Variants in KIAA1755 observed in about 807,000 individuals in gnomAD.
The protein encoded by KIAA1755 is uncharacterized protein KIAA1755.
A neutral mutation model predicts 91.7 loss-of-function variants in KIAA1755; 68 were observed. The observed-to-expected ratio is 0.74, with a 90% CI of 0.61 to 0.91. The LOEUF (loss-of-function observed/expected upper bound fraction) is 0.91. KIAA1755 is among the 40% of genes least tolerant of loss of function. The pLI, the probability that KIAA1755 is intolerant of heterozygous loss-of-function variation, is 0.00. For synonymous variants in KIAA1755, 610 were observed against 604.6 expected, an observed-to-expected ratio of 1.01 and a Z score of -0.13; for missense variants, 1,535 against 1,494.4, an observed-to-expected ratio of 1.03 and a Z score of -0.45.
chr20:38,248,513 C>T (rs2076194445), intron 1 of KIAA1755, among the ~76,000 whole-genome samples: 1 of 152,108 alleles, frequency 6.6e-6, no homozygotes, highest in African/African-American at 2.4e-5. Context: ...TCATTTGCTA[C>T]GGTGGCAACA....
In KIAA1755 at chr20:38,240,649, ATTGTGCTGGAGTGAG is replaced by A; in HGVS notation, c.1467_1481del (p.Ser490_Asn494del). The A allele has an allele frequency of 6.6e-7, 1 of 1,524,332 alleles. No individual in the cohort carries two copies. Among genetic ancestry groups the A allele is most frequent in the Non-Finnish European group, 8.8e-7 (1 of 1,138,154 alleles). The allele number at this position is 1,524,332 out of a possible 1,614,324, so 94.4% of individuals were successfully genotyped here. A position where few individuals can be genotyped will look rare whatever the true frequency, so the allele number is the denominator to read the frequency against. ...GGGAACACAGGACTTTCCAGGGCCCATTGTGCTGGAGTGAGGCTTTCTCCGGGGTCACAGAGGGTT... is the reference window on the plus strand; with the variant it reads ...GGGAACACAGGACTTTCCAGGGCCCAGCTTTCTCCGGGGTCACAGAGGGTT... On this transcript the variant is annotated inframe_deletion, in exon 3 of 14. Coordinates refer to ENST00000279024, the MANE Select transcript of KIAA1755 (RefSeq NM_001029864.2).
chr20:38,221,737 C>T (rs560834622), intron 10 of KIAA1755, among the ~76,000 whole-genome samples: 1 of 152,330 alleles, frequency 6.6e-6, no homozygotes, highest in South Asian at 2.1e-4. Flanking sequence ...TTCTTAAAAG[C>T]TCATGCATAC....
chr20:38,227,217 C>A lies in KIAA1755; in HGVS notation c.1989G>T (p.Arg663=). ...ATQAQVPASI[R]AILFLGEKEA... ...CCTTCTCCCCCAGGAAGAGAATAGC[C>A]CGGATAGAGGCTGGGACCTGAGCCT... is the stretch of plus-strand genomic sequence containing the variant. The change falls in exon 7 of 14, where the codon CGG becomes CGT. Residue 663 remains arginine, a synonymous_variant. Transcript: ENST00000279024. The A allele has an allele frequency of 6.2e-7, 1 of 1,613,886 alleles. No homozygotes were observed. The highest frequency in any genetic ancestry group is 1.1e-5 in the South Asian group (1 of 91,066).
chr20:38,248,761 C>T (rs567970325), intron 1 of KIAA1755, among the ~76,000 whole-genome samples: 66 of 151,254 alleles, frequency 4.4e-4, no homozygotes, highest in African/African-American at 1.5e-3. Flanking sequence ...TGCAGTGTTC[C>T]GATCTCTGCT....
chr20:38,215,641 A>G (rs1167896996), intron 13 of KIAA1755, among the ~76,000 whole-genome samples: 1 of 152,216 alleles, frequency 6.6e-6, no homozygotes, highest in Non-Finnish European at 1.5e-5. Flanking sequence ...CCAGCCGGTC[A>G]ACGGGAAGAG....
chr20:38,241,716 G>C lies in KIAA1755; in HGVS notation c.415C>G (p.Pro139Ala), dbSNP rs758849599. ...CTVDKKPVPE[P>A]AYPILFTQEW... ...TGGGTGAAAAGTATAGGGTAGGCTG[G>C]CTCTGGAACAGGCTTCTTGTCCACT... The change falls in exon 3 of 14, where the codon CCA becomes GCA. Residue 139 changes from proline to alanine, a missense_variant. By Grantham distance (27) the Pro-to-Ala change is conservative (BLOSUM62 -1). Transcript: ENST00000279024. The C allele has an allele frequency of 6.2e-7, 1 of 1,614,242 alleles. No individual in the cohort carries two copies. Among genetic ancestry groups the C allele is most frequent in the Non-Finnish European group, 8.5e-7 (1 of 1,180,044 alleles).
intron 2 of KIAA1755, among the ~76,000 whole-genome samples, chr20:38,243,481 G>A (rs926973832): frequency 6.6e-6 from 1 of 152,170 alleles, no homozygotes; most frequent in Non-Finnish European, 1.5e-5. Context: ...TTTGCAAACA[G>A]CAAAGCACCA....
At chr20:38,216,554 C>T (rs12480600) in intron 13 of KIAA1755, among the ~76,000 whole-genome samples, 5,926 of 152,280 alleles carry the variant, frequency 0.039, 188 homozygotes, top group Non-Finnish European at 0.057. Flanking sequence ...CCCAGCTGGA[C>T]CACACTCTCC....
rs114568846 is a variant in KIAA1755 at position 38,227,664 on chromosome 20, C to G, written c.1966-424G>C. On this transcript the variant is annotated intron_variant, in intron 6 of 13. Transcript: ENST00000279024. ...GTGTGTTGCATTCACCCCCAGGCCA[C>G]AGGGTTGGGTGTGGAGGGACTCCTG... Among the ~76,000 whole-genome samples the G allele has an allele frequency of 6.6e-3, 998 of 152,328 alleles. 12 individuals are homozygous for G. The highest frequency in any genetic ancestry group is 0.023 in the African/African-American group (956 of 41,556).
intron 1 of KIAA1755, among the ~76,000 whole-genome samples, chr20:38,256,189 C>T (rs572982277): frequency 4.7e-4 from 72 of 152,286 alleles, no homozygotes; most frequent in African/African-American, 1.7e-3. Flanking sequence ...ACGCCAGGCT[C>T]CTCTTAGTCA....
chr20:38,258,617 A>G (rs59397942), intron 1 of KIAA1755, among the ~76,000 whole-genome samples: 10,920 of 152,158 alleles, frequency 0.072, 774 homozygotes, highest in African/African-American at 0.19. Context: ...ATTTGGGTGA[A>G]GATTTACCGG....
In KIAA1755 at chr20:38,228,152, T is replaced by A; in HGVS notation, c.1960A>T (p.Thr654Ser). ...GCTCTCCACCTCCCACTCACCTGGG[T>A]GGCCTGCAGGGCGCTGACCAGACCG... Reference protein sequence around the residue: ...QPGLVSALQATQAQVPASIRA... With the variant: ...QPGLVSALQASQAQVPASIRA... The change falls in exon 6 of 14, where the codon ACC becomes TCC. Residue 654 changes from threonine to serine, a missense_variant. Thr to Ser is a moderately conservative substitution (Grantham distance 58). Coordinates refer to ENST00000279024, the MANE Select transcript of KIAA1755 (RefSeq NM_001029864.2). The A allele has an allele frequency of 6.3e-7, 1 of 1,598,524 alleles. No homozygotes were observed. Among genetic ancestry groups the A allele is most frequent in the Non-Finnish European group, 8.5e-7 (1 of 1,173,086 alleles).
intron 1 of KIAA1755, among the ~76,000 whole-genome samples, chr20:38,255,505 C>T (rs908127920): frequency 1.5e-4 from 23 of 152,198 alleles, no homozygotes; most frequent in Non-Finnish European, 8.8e-5. Context: ...AAGCCAAACA[C>T]ATCTGTGAGC....
At chr20:38,214,226 T>C (rs899670973) in intron 13 of KIAA1755, among the ~76,000 whole-genome samples, 2 of 152,160 alleles carry the variant, frequency 1.3e-5, no homozygotes, top group African/African-American at 4.8e-5. Flanking sequence ...GCTGGGATTA[T>C]AGGCATGACC....
chr20:38,260,463 G>A (rs765028593), intron 1 of KIAA1755, 35 bp downstream of exon 1: 2 of 1,514,722 alleles, frequency 1.3e-6, no homozygotes, highest in South Asian at 1.3e-5. Flanking sequence ...ACTGAAAGGG[G>A]GCAGAGCGAG....
At position 38,231,320 on chromosome 20, in the gene KIAA1755, G is replaced by A. The variant is rs199854032; in HGVS notation, c.1753C>T (p.Arg585Trp). The A allele has an allele frequency of 2.1e-5, 34 of 1,607,546 alleles. No individual in the cohort carries two copies. In the Middle Eastern group the frequency reaches 6.4e-4, roughly 30 times the overall value. ...RSRIACLPGG[R>W]DRAGRPLLLV... ...AGCAGGGGCCGCCCGGCCCTGTCCC[G>A]GCCACCTGGAGGACAGAGGGCACAC... The change falls in exon 5 of 14, where the codon CGG becomes TGG. Residue 585 changes from arginine to tryptophan, a missense_variant. Coordinates refer to ENST00000279024, the MANE Select transcript of KIAA1755 (RefSeq NM_001029864.2).
rs1365028121 is a variant in KIAA1755, at chr20:38,212,504, C to G, written c.*538G>C. On this transcript the variant is annotated 3_prime_UTR_variant, in exon 14 of 14. Transcript: ENST00000279024. ...GACAACATACTCTTTATTCCCTTTG[C>G]AGATTCGCCTCCTACTCCCCCAGCA... The G allele has an allele frequency of 6.5e-6, 1 of 152,806 alleles. No individual in the cohort carries two copies. Among genetic ancestry groups the G allele is most frequent in the African/African-American group, 2.4e-5 (1 of 41,454 alleles). The allele number at this position is 152,806 out of a possible 1,614,324, so 9.5% of individuals were successfully genotyped here.
chr20:38,216,399 C>T (rs554684269), intron 13 of KIAA1755, among the ~76,000 whole-genome samples: 8 of 152,250 alleles, frequency 5.3e-5, no homozygotes, highest in Non-Finnish European at 1.0e-4. Flanking sequence ...CCCTCTGAAG[C>T]AGCCTGTGAT....
intron 9 of KIAA1755, 110 bp from the exon 10 acceptor site, chr20:38,222,707 C>T: frequency 8.4e-7 from 1 of 1,190,418 alleles, no homozygotes; most frequent in Non-Finnish European, 1.2e-6. Flanking sequence ...CATTCAAGGT[C>T]CTCCAGAAAG....
Sources: allele counts gnomAD v4.1 joint callset (sites outside exome capture counted in the v4.1 genomes callset), GRCh38; gene constraint gnomAD v4.1.1; transcripts MANE v1.5; gene names NCBI Gene and HGNC (gene_info 2026-07-23, HGNC 2026-07-21).